The following DUOX2 variants were observed in gnomAD, a reference collection of about 807,000 sequenced individuals.
DUOX2 encodes dual oxidase 2.
A neutral mutation model predicts 183.3 loss-of-function variants in DUOX2; 185 were observed. That is an observed-to-expected ratio of 1.01 (90% CI 0.90 to 1.14). DUOX2 has a LOEUF of 1.14. DUOX2 is among the 50% of genes most tolerant of loss of function. The pLI is 0.00. For synonymous variants in DUOX2, 788 were observed against 812.4 expected, an observed-to-expected ratio of 0.97 and a Z score of 0.51; for missense variants, 1,999 against 2,022.9, an observed-to-expected ratio of 0.99 and a Z score of 0.23.
intron 20 of DUOX2, 102 bp from the exon 21 acceptor site, chr15:45,102,091 T>C: frequency 1.4e-6 from 2 of 1,442,806 alleles, no homozygotes; most frequent in South Asian, 1.2e-5. Flanking sequence ...TGGTTACCAG[T>C]GACCCGGGAA....
intron 26 of DUOX2, 24 bp from the exon 27 acceptor site, chr15:45,098,082 C>T (rs1407960533): frequency 6.2e-7 from 1 of 1,612,842 alleles, no homozygotes; most frequent in Non-Finnish European, 8.5e-7. Context: ...GCACCTTGAG[C>T]CTCTGACTGG....
intron 20 of DUOX2, among the ~76,000 whole-genome samples, chr15:45,103,745 G>A (rs535069900): frequency 3.4e-4 from 52 of 152,040 alleles, no homozygotes; most frequent in Admixed American, 2.0e-3. Flanking sequence ...TTTTCTGGCT[G>A]GTGTTGACAG....
rs539742482 is a variant in DUOX2, at chr15:45,101,467, A to G, written c.2852-193T>C. On this transcript the variant is annotated intron_variant, in intron 21 of 33. Transcript: ENST00000389039. The stretch of plus-strand genomic sequence containing the variant: ...GTGGCAACTTTGCACAAGAAAGGGG[A>G]CATCCTCTTAGGTGGATGCAACCCT... 6.8e-4 allele frequency: 451 copies of G among 662,058 alleles called. 1 individual carries two copies. Among genetic ancestry groups the G allele is most frequent in the Non-Finnish European group, 9.9e-4 (369 of 371,704 alleles). 41.0% of individuals were successfully genotyped at this position (662,058 alleles called of 1,614,324 possible). A position where few individuals can be genotyped will look rare whatever the true frequency, so the allele number is the denominator to read the frequency against.
At chr15:45,104,388 G>T (rs1566974807) in intron 18 of DUOX2, 23 bp from the exon 19 acceptor site, 1 of 1,610,028 alleles carries the variant, frequency 6.2e-7, no homozygotes, top group Admixed American at 1.7e-5. Context: ...AGCAGCAGAG[G>T]GAGGGAAAGA....
rs1482485970 is a variant in DUOX2 at position 45,106,614 on chromosome 15, G to A, written c.1859C>T (p.Ala620Val). ...CTTGTGTTCTCGGCCCCGGAAATAG[G>A]CCACCACTCCAGAGAGAAGCAGACT... ...LVSLLLSGVV[A>V]YFRGREHKKL... is the part of the protein sequence containing the mutation. Residue 620 changes from alanine (A) to valine (V), a missense_variant, in exon 16 of 34, where the codon GCC becomes GTC. Physicochemically the swap from Ala to Val is moderately conservative, Grantham distance 64 (BLOSUM62 0). This residue lies in a region of DUOX2 where 1,628 missense variants were observed against 1,608.6 expected (regional missense o/e 1.01). Coordinates refer to ENST00000389039, the MANE Select transcript of DUOX2 (RefSeq NM_001363711.2). The A allele has an allele frequency of 2.5e-6, 4 of 1,614,116 alleles. No individual in the cohort carries two copies. The South Asian group carries it at 4.4e-5, about 18-fold the overall frequency.
At position 45,093,348 on chromosome 15, in the gene DUOX2, A is replaced by T. The variant is rs1893809096; in HGVS notation, c.*802T>A. 6.6e-6 allele frequency: 1 copy of T among 152,284 alleles called. No homozygotes were observed. The highest frequency in any genetic ancestry group is 1.5e-5 in the Non-Finnish European group (1 of 68,164). The allele number at this position is 152,284 out of a possible 1,614,324, so 9.4% of individuals were successfully genotyped here. On this transcript the variant is annotated 3_prime_UTR_variant, in exon 34 of 34. Transcript: ENST00000389039. ...AATCCTTCAGCCCCAGAGCCCAGGG[A>T]CCACTCCAGTAGATGCAGAGAGGGG...
chr15:45,096,074 A>G lies in DUOX2; in HGVS notation c.3848-14T>C. On this transcript the variant is annotated splice_polypyrimidine_tract_variant and intron_variant, in intron 29 of 33. Coordinates refer to ENST00000389039, the MANE Select transcript of DUOX2 (RefSeq NM_001363711.2). ...GGTAGGTCACTCCTGGAGGTCATAG[A>G]CAGGGAAAAGCACAGATGAGAAGGC... 1 of 1,610,632 alleles carries G rather than the reference A, an allele frequency of 6.2e-7. No individual in the cohort carries two copies. The highest frequency in any genetic ancestry group is 1.7e-5 in the Admixed American group (1 of 60,018).
At chr15:45,103,911 G>A (rs930013592) in intron 20 of DUOX2, 49 bp downstream of exon 20, 2 of 1,604,896 alleles carry the variant, frequency 1.2e-6, no homozygotes, top group Non-Finnish European at 1.7e-6. Flanking sequence ...CTGTTTTCCT[G>A]TTTGAAACAC....
intron 11 of DUOX2, 67 bp downstream of exon 11, chr15:45,109,457 A>T: frequency 6.9e-7 from 1 of 1,439,452 alleles, no homozygotes; most frequent in Non-Finnish European, 9.8e-7. Context: ...TCTGCTATTG[A>T]TGAACCCAGA....
At chr15:45,105,347 C>A (rs1053120492) in intron 18 of DUOX2, among the ~76,000 whole-genome samples, 1 of 152,186 alleles carries the variant, frequency 6.6e-6, no homozygotes, top group African/African-American at 2.4e-5. Flanking sequence ...CAGAGGCCAA[C>A]CTCTGTGTAC....
In DUOX2 at chr15:45,099,413, C is replaced by A; in HGVS notation, c.3485G>T (p.Cys1162Phe). The stretch of plus-strand genomic sequence containing the variant: ...ATTCACAAAGACGTTGGGGAATATG[C>A]AGGCCAGCAGGCTGAGTGGGCTGAC... The part of the protein sequence containing the change: ...FSVSPLSLLA[C>F]IFPNVFVNDG... Residue 1162 changes from cysteine (C) to phenylalanine (F), a missense_variant, in exon 26 of 34, where the codon TGC (cysteine) becomes TTC (phenylalanine). Physicochemically the swap from Cys to Phe is radical, Grantham distance 205. Coordinates refer to ENST00000389039, the MANE Select transcript of DUOX2 (RefSeq NM_001363711.2). 6.2e-7 allele frequency: 1 copy of A among 1,614,102 alleles called. No individual in the cohort carries two copies. The highest frequency in any genetic ancestry group is 8.5e-7 in the Non-Finnish European group (1 of 1,180,018).
At chr15:45,110,819 A>T in intron 7 of DUOX2, 109 bp from the exon 8 acceptor site, 5 of 1,533,032 alleles carry the variant, frequency 3.3e-6, no homozygotes, top group Non-Finnish European at 4.4e-6. Context: ...GGAAGGGTCA[A>T]TCATGGGAGA....
At chr15:45,107,540 G>A in intron 13 of DUOX2, 77 bp from the exon 14 acceptor site, 2 of 1,487,778 alleles carry the variant, frequency 1.3e-6, no homozygotes, top group Admixed American at 1.7e-5. Flanking sequence ...CAAGGACCCA[G>A]GTGAGAAAAG....
At chr15:45,104,664 G>A (rs1394396665) in intron 18 of DUOX2, among the ~76,000 whole-genome samples, 2 of 152,188 alleles carry the variant, frequency 1.3e-5, no homozygotes, top group Admixed American at 6.5e-5. Context: ...AAGTGAGAGA[G>A]CCTATACTGG....
chr15:45,108,861 G>A lies in DUOX2; in HGVS notation c.1326C>T (p.Ser442=), dbSNP rs374156510. ...RGRDMGLPSY[S]QALLAFGLDI... ...CCAGCCCAAAGGCCAGCAGGGCCTG[G>A]CTATAGCTGGGCAGCCCCATATCTC... is the stretch of plus-strand genomic sequence containing the variant. The change falls in exon 12 of 34, where the codon AGC becomes AGT. Residue 442 remains serine (S), a synonymous_variant. Transcript: ENST00000389039. 1.9e-6 allele frequency: 3 copies of A among 1,614,120 alleles called. No homozygotes were observed. The highest frequency in any genetic ancestry group is 1.3e-5 in the African/African-American group (1 of 74,932).
intron 4 of DUOX2, 106 bp downstream of exon 4, chr15:45,112,448 T>C (rs1027432545): frequency 7.1e-7 from 1 of 1,416,660 alleles, no homozygotes; most frequent in South Asian, 1.2e-5. Flanking sequence ...AGGAAGTGGT[T>C]GGGAGTCGGA....
chr15:45,097,879 T>C, intron 27 of DUOX2, 130 bp downstream of exon 27: 1 of 1,551,036 alleles, frequency 6.4e-7, no homozygotes, highest in South Asian at 1.1e-5. Context: ...CCTGGAGGGA[T>C]TTGAGCTGGG....
chr15:45,095,691 T>C (rs1219345401), intron 30 of DUOX2, 96 bp from the exon 31 acceptor site: 1 of 1,585,846 alleles, frequency 6.3e-7, no homozygotes, highest in Non-Finnish European at 8.6e-7. Context: ...CAGAACATCC[T>C]AGTCTTTTCT....
chr15:45,109,761 T>A, intron 10 of DUOX2, 129 bp downstream of exon 10: 2 of 1,309,754 alleles, frequency 1.5e-6, no homozygotes, highest in Non-Finnish European at 2.2e-6. Flanking sequence ...CCCCGGATAA[T>A]TTCCTCTACC....
Sources: allele counts gnomAD v4.1 joint callset (sites outside exome capture counted in the v4.1 genomes callset), GRCh38; gene constraint gnomAD v4.1.1; regional missense constraint gnomAD v4.1.1; transcripts MANE v1.5; gene names NCBI Gene and HGNC (gene_info 2026-07-23, HGNC 2026-07-21).